Variants in DOK6 observed in about 807,000 individuals in gnomAD.
The protein encoded by DOK6 is docking protein 6.
Under a neutral mutation model 44.0 loss-of-function variants are expected in DOK6, and 22 were observed. The ratio of observed to expected loss-of-function variants is 0.50; its 90% CI spans 0.36 to 0.71. DOK6 has a LOEUF of 0.71. DOK6 is among the 30% of genes least tolerant of loss of function. The pLI is 0.00. For synonymous variants in DOK6, 166 were observed against 145.5 expected (o/e 1.14, Z -1.01); for missense variants, 340 against 416.4 (o/e 0.82, Z 1.60).
chr18:69,698,649 T>A, intron 5 of DOK6, 56 bp downstream of exon 5: 1 of 1,538,802 alleles, frequency 6.5e-7, no homozygotes, highest in Non-Finnish European at 8.8e-7. Flanking sequence ...AGAGTCTGTA[T>A]AACAGAGTCC....
At chr18:69,815,535 A>G (rs1981374084) in intron 7 of DOK6, among the ~76,000 whole-genome samples, 1 of 152,208 alleles carries the variant, frequency 6.6e-6, no homozygotes, top group Non-Finnish European at 1.5e-5. Context: ...TTATATTACG[A>G]TCATGCTTTC....
chr18:69,593,562 G>C (rs1329562379), intron 2 of DOK6, among the ~76,000 whole-genome samples: 1 of 152,124 alleles, frequency 6.6e-6, no homozygotes, highest in Admixed American at 6.5e-5. Context: ...GAAGCTGTCT[G>C]CATTTCTAAA....
chr18:69,535,947 T>A (rs1982110895), intron 1 of DOK6, among the ~76,000 whole-genome samples: 1 of 152,092 alleles, frequency 6.6e-6, no homozygotes, highest in Non-Finnish European at 1.5e-5. Flanking sequence ...AAAGAACTCT[T>A]GAAAACCAAT....
In DOK6 at chr18:69,423,872, A is replaced by G. The variant is rs112582431; in HGVS notation, c.66+22562A>G. On this transcript the variant is annotated intron_variant, in intron 1 of 7. Coordinates refer to ENST00000382713, the MANE Select transcript of DOK6 (RefSeq NM_152721.6). ...ATTGAGGCCTGGTGTATATCCCAAT[A>G]TAGTTATTTCAGAAGAAAACTCATG... Among the ~76,000 whole-genome samples, 163 of 152,346 alleles carry G rather than the reference A, an allele frequency of 1.1e-3. 1 individual carries two copies. Among genetic ancestry groups the G allele is most frequent in the African/African-American group, 3.7e-3 (153 of 41,588 alleles).
chr18:69,423,865 T>C (rs1341628383), intron 1 of DOK6, among the ~76,000 whole-genome samples: 1 of 152,218 alleles, frequency 6.6e-6, no homozygotes, highest in Non-Finnish European at 1.5e-5. Context: ...CTGGTGTATA[T>C]CCCAATATAG....
At chr18:69,712,069 C>A (rs1010987272) in intron 5 of DOK6, among the ~76,000 whole-genome samples, 1 of 150,444 alleles carries the variant, frequency 6.6e-6, no homozygotes, top group Non-Finnish European at 1.5e-5. Flanking sequence ...ATCACGAGGT[C>A]AGGAGATCGA....
intron 7 of DOK6, among the ~76,000 whole-genome samples, chr18:69,772,589 G>C (rs752827182): frequency 3.2e-4 from 48 of 152,032 alleles, no homozygotes; most frequent in Non-Finnish European, 5.9e-5. Context: ...TCTTCAGCAA[G>C]AGTGCCAAAA....
At chr18:69,729,099 T>C (rs952695158) in intron 5 of DOK6, among the ~76,000 whole-genome samples, 3 of 152,146 alleles carry the variant, frequency 2.0e-5, no homozygotes, top group African/African-American at 7.2e-5. Context: ...CAAAATAATA[T>C]GCATATCATA....
intron 3 of DOK6, among the ~76,000 whole-genome samples, chr18:69,615,737 C>G (rs8095385): frequency 6.6e-6 from 1 of 151,994 alleles, no homozygotes; most frequent in East Asian, 1.9e-4. Flanking sequence ...CGTTGTCAGA[C>G]TGGCATAACA....
At chr18:69,682,021 G>C (rs1986057011) in intron 4 of DOK6, among the ~76,000 whole-genome samples, 1 of 152,186 alleles carries the variant, frequency 6.6e-6, no homozygotes, top group Non-Finnish European at 1.5e-5. Context: ...CTGCTCATGA[G>C]TGGGCTACAT....
intron 7 of DOK6, 101 bp from the exon 8 acceptor site, chr18:69,841,143 T>C (rs1324301299): frequency 4.1e-6 from 6 of 1,460,620 alleles, no homozygotes; most frequent in Non-Finnish European, 5.6e-6. Flanking sequence ...TTTATTGTTC[T>C]TAAAAATATA....
At chr18:69,635,266 C>T (rs1246657621) in intron 3 of DOK6, among the ~76,000 whole-genome samples, 5 of 152,012 alleles carry the variant, frequency 3.3e-5, no homozygotes, top group South Asian at 2.1e-4. Flanking sequence ...ACCAGAGATT[C>T]GATATTTTTC....
At chr18:69,721,461 A>C (rs955419034) in intron 5 of DOK6, 2 of 152,258 alleles carry the variant, frequency 1.3e-5, no homozygotes, top group Non-Finnish European at 2.9e-5. Context: ...AAATATGCTT[A>C]TGACAATATA....
chr18:69,452,125 C>G (rs201571032), intron 1 of DOK6, among the ~76,000 whole-genome samples: 1 of 151,846 alleles, frequency 6.6e-6, no homozygotes. Flanking sequence ...AATCCAGGAG[C>G]TGGTTTTTGG....
At chr18:69,403,954 G>A (rs1204865398) in intron 1 of DOK6, among the ~76,000 whole-genome samples, 1 of 152,104 alleles carries the variant, frequency 6.6e-6, no homozygotes, top group Non-Finnish European at 1.5e-5. Flanking sequence ...AGGACACGAT[G>A]AGTTTTTGTG....
At chr18:69,428,407 A>G (rs1599126310) in intron 1 of DOK6, among the ~76,000 whole-genome samples, 1 of 152,074 alleles carries the variant, frequency 6.6e-6, no homozygotes, top group African/African-American at 2.4e-5. Flanking sequence ...GATTCTAACC[A>G]TTCTCAGATA....
intron 2 of DOK6, among the ~76,000 whole-genome samples, chr18:69,587,921 CATA>C (rs1201360870): frequency 6.6e-6 from 1 of 152,108 alleles, no homozygotes; most frequent in East Asian, 1.9e-4. Flanking sequence ...ATAATTTAGG[CATA>C]ATAAGGTAAT....
rs183449847 is a variant in DOK6 at position 69,654,033 on chromosome 18, A to T, written c.290-23701A>T. ...CTTCAGAGAATTGAGACGTCTAAAAAATGAATCAAACAAAAATTCTGAAAT... is the reference window on the plus strand; with the variant it reads ...CTTCAGAGAATTGAGACGTCTAAAATATGAATCAAACAAAAATTCTGAAAT... On this transcript the variant is annotated intron_variant, in intron 3 of 7. Transcript: ENST00000382713. Among the ~76,000 whole-genome samples, 6 of 152,330 alleles carry T rather than the reference A, an allele frequency of 3.9e-5. No homozygotes were observed. In the East Asian group the frequency reaches 1.2e-3, roughly 29 times the overall value.
At chr18:69,658,344 C>T (rs1472570493) in intron 3 of DOK6, among the ~76,000 whole-genome samples, 1 of 152,152 alleles carries the variant, frequency 6.6e-6, no homozygotes, top group East Asian at 1.9e-4. Context: ...GTGACATCAT[C>T]TGCAAAATTG....
Sources: gnomAD v4.1 joint callset for allele counts (sites outside exome capture counted in the v4.1 genomes callset) on GRCh38, gnomAD v4.1.1 for gene constraint, MANE v1.5 for transcripts, NCBI Gene and HGNC (gene_info 2026-07-23, HGNC 2026-07-21) for gene names.